Variants in CHL1 observed in about 807,000 individuals in gnomAD.
The protein encoded by CHL1 is cell adhesion molecule L1 like, also known as neural cell adhesion molecule L1-like protein.
Under a neutral mutation model 141.9 loss-of-function variants are expected in CHL1, and 96 were observed. The observed-to-expected ratio is 0.68, with a 90% CI of 0.57 to 0.80. CHL1 has a LOEUF of 0.80. Among genes scored for constraint, CHL1 ranks in the 30% least tolerant of loss-of-function variants. CHL1 has a pLI of 0.00. For missense variants in CHL1, 1,820 were observed against 1,457.2 expected, an observed-to-expected ratio of 1.25 and a Z score of -4.05; for synonymous variants, 613 against 502.2, an observed-to-expected ratio of 1.22 and a Z score of -2.95.
chr3:216,629 C>T (rs542725045), intron 1 of CHL1, among the ~76,000 whole-genome samples: 1 of 152,198 alleles, frequency 6.6e-6, no homozygotes, highest in Admixed American at 6.5e-5. Flanking sequence ...CCTATCACTG[C>T]CAACTACCCA....
chr3:383,748 G>C (rs1037277875), intron 18 of CHL1, 68 bp from the exon 19 acceptor site: 16 of 993,212 alleles, frequency 1.6e-5, no homozygotes, highest in African/African-American at 3.2e-5. Flanking sequence ...TGGGGGGCAG[G>C]AGTTGTGATA....
intron 9 of CHL1, among the ~76,000 whole-genome samples, chr3:346,951 A>G (rs1702820152): frequency 6.6e-6 from 1 of 152,156 alleles, no homozygotes; most frequent in African/African-American, 2.4e-5. Flanking sequence ...AAGTAAAATG[A>G]TTATCTATAA....
At chr3:236,207 C>T (rs897236136) in intron 1 of CHL1, among the ~76,000 whole-genome samples, 5 of 152,112 alleles carry the variant, frequency 3.3e-5, no homozygotes, top group East Asian at 1.9e-4. Context: ...TATCCACATT[C>T]GACTGCAGAA....
At chr3:381,786 C>G (rs530331415) in intron 16 of CHL1, among the ~76,000 whole-genome samples, 9 of 152,014 alleles carry the variant, frequency 5.9e-5, no homozygotes, top group South Asian at 2.1e-4. Flanking sequence ...CTTCAGTTTC[C>G]CCTTATCTGA....
At chr3:361,922 A>G (rs962609305) in intron 13 of CHL1, 112 bp downstream of exon 13, 6 of 713,768 alleles carry the variant, frequency 8.4e-6, no homozygotes, top group Admixed American at 4.6e-5. Context: ...ACATGTACCC[A>G]GTACCTCTGA....
intron 5 of CHL1, among the ~76,000 whole-genome samples, chr3:331,835 C>A (rs9839634): frequency 0.088 from 13,339 of 152,132 alleles, 1,955 homozygotes; most frequent in African/African-American, 0.3. Context: ...TGTGTTCAAC[C>A]TCTTTAGTTA....
At chr3:203,334 A>G (rs1288400414) in intron 1 of CHL1, among the ~76,000 whole-genome samples, 1 of 152,240 alleles carries the variant, frequency 6.6e-6, no homozygotes, top group African/African-American at 2.4e-5. Context: ...TCTTAAAAGG[A>G]TTGATGTTCT....
intron 2 of CHL1, among the ~76,000 whole-genome samples, chr3:312,614 G>A (rs1316759756): frequency 6.6e-6 from 1 of 152,106 alleles, no homozygotes; most frequent in Non-Finnish European, 1.5e-5. Flanking sequence ...TCCAAACCAG[G>A]GGAATAGTTT....
At chr3:367,275 T>G (rs1575181148) in intron 15 of CHL1, among the ~76,000 whole-genome samples, 1 of 152,338 alleles carries the variant, frequency 6.6e-6, no homozygotes, top group Middle Eastern at 3.4e-3. Flanking sequence ...ATTTTGTAAT[T>G]TATTACCCTG....
intron 2 of CHL1, among the ~76,000 whole-genome samples, chr3:310,862 G>A (rs549185511): frequency 1.9e-4 from 29 of 152,280 alleles, no homozygotes; most frequent in South Asian, 2.1e-4. Flanking sequence ...TTTCACTGCC[G>A]TAAAAATCCT....
Position 394,858 on chromosome 3 carries a change from C to T in CHL1, c.3080C>T (p.Thr1027Ile). ...AAACCGATCACGGAGGAAAGCTCCA[C>T]CTTAGGAGAAGGGAGTAAGTACATG... ...CGKPITEESS[T>I]LGEGSKGIGK... The change falls in exon 24 of 28, where the codon ACC (threonine) becomes ATC (isoleucine). Residue 1027 changes from threonine (T) to isoleucine (I), a missense_variant. By Grantham distance (89) the Thr-to-Ile change is moderately conservative (BLOSUM62 -1). Transcript: ENST00000256509. 1 of 1,611,118 alleles carries T rather than the reference C, an allele frequency of 6.2e-7. No homozygotes were observed. Among genetic ancestry groups the T allele is most frequent in the Non-Finnish European group, 8.5e-7 (1 of 1,179,088 alleles).
chr3:372,711 T>C (rs1705792760), intron 15 of CHL1, among the ~76,000 whole-genome samples: 1 of 152,212 alleles, frequency 6.6e-6, no homozygotes, highest in African/African-American at 2.4e-5. Flanking sequence ...TTGTTGATTC[T>C]TTCTCATCTT....
At chr3:218,477 C>T (rs1700528753) in intron 1 of CHL1, among the ~76,000 whole-genome samples, 1 of 152,180 alleles carries the variant, frequency 6.6e-6, no homozygotes, top group Non-Finnish European at 1.5e-5. Context: ...ATGTTACCCA[C>T]ATCCTCTTTT....
At position 354,756 on chromosome 3, in the gene CHL1, G is replaced by C. The variant is rs1251413744; in HGVS notation, c.1150G>C (p.Gly384Arg). ...PQPTIKWRVN[G>R]SPVDNHPFAG... ...ACCCACAATCAAGTGGAGAGTCAAT[G>C]GCTCCCCAGTTGACAGTAAGTTTAA... The change falls in exon 11 of 28, where the codon GGC becomes CGC. Residue 384 changes from glycine to arginine, a missense_variant. Coordinates refer to ENST00000256509, the MANE Select transcript of CHL1 (RefSeq NM_006614.4). The C allele has an allele frequency of 5.0e-6, 8 of 1,613,572 alleles. No homozygotes were observed. Among genetic ancestry groups the C allele is most frequent in the Non-Finnish European group, 5.1e-6 (6 of 1,179,812 alleles).
intron 1 of CHL1, among the ~76,000 whole-genome samples, chr3:209,557 C>T (rs80350980): frequency 2.6e-5 from 4 of 151,982 alleles, no homozygotes; most frequent in African/African-American, 9.7e-5. Flanking sequence ...TTAACAGAAC[C>T]CTAATCTTTT....
intron 1 of CHL1, among the ~76,000 whole-genome samples, chr3:230,365 T>C (rs1236789850): frequency 1.3e-5 from 2 of 152,222 alleles, no homozygotes; most frequent in East Asian, 3.9e-4. Context: ...AGGCTCTGCA[T>C]CCACAGCCTG....
rs991101158 is a variant in CHL1 at position 404,204 on chromosome 3, A to G, written c.3459-1291A>G. Among the ~76,000 whole-genome samples, 9 of 152,322 alleles carry G rather than the reference A, an allele frequency of 5.9e-5. 1 individual carries two copies. The highest frequency in any genetic ancestry group is 5.9e-4 in the Admixed American group (9 of 15,304). On this transcript the variant is annotated intron_variant, in intron 27 of 27. Coordinates refer to ENST00000256509, the MANE Select transcript of CHL1 (RefSeq NM_006614.4). ...TTTAAATCTTTGGCTCGGAAGAGAC[A>G]CATGTCACCTTTGCTCACTTTTTTT...
chr3:286,206 G>A (rs1173149008), intron 2 of CHL1, among the ~76,000 whole-genome samples: 1 of 152,110 alleles, frequency 6.6e-6, no homozygotes, highest in Non-Finnish European at 1.5e-5. Context: ...AACCCTTAAT[G>A]TTTTTTGTTA....
intron 15 of CHL1, 68 bp downstream of exon 15, chr3:366,183 G>A (rs1255131467): frequency 6.7e-7 from 1 of 1,494,166 alleles, no homozygotes; most frequent in African/African-American, 1.4e-5. Context: ...GATTTAAAAA[G>A]TTCTAGGTCG....
Sources: allele counts gnomAD v4.1 joint callset (sites outside exome capture counted in the v4.1 genomes callset), GRCh38; gene constraint gnomAD v4.1.1; transcripts MANE v1.5; gene names NCBI Gene and HGNC (gene_info 2026-07-23, HGNC 2026-07-21).